The following SLC25A40 variants were observed in gnomAD, a reference collection of about 807,000 sequenced individuals.
SLC25A40 encodes the protein mitochondrial glutathione transporter SLC25A40.
Under a neutral mutation model 46.5 loss-of-function variants are expected in SLC25A40, and 41 were observed. The observed-to-expected ratio is 0.88, with a 90% CI of 0.69 to 1.14. The LOEUF (loss-of-function observed/expected upper bound fraction) is 1.14. Among genes scored for constraint, SLC25A40 ranks in the 50% most tolerant of loss-of-function variants. The pLI, the probability that SLC25A40 is intolerant of heterozygous loss-of-function variation, is 0.00. For missense variants in SLC25A40, 386 were observed against 393.6 expected, an observed-to-expected ratio of 0.98 and a Z score of 0.16; for synonymous variants, 126 against 127.5, an observed-to-expected ratio of 0.99 and a Z score of 0.08.
At chr7:87,844,220 A>G (rs1047523209) in intron 8 of SLC25A40, among the ~76,000 whole-genome samples, 3 of 152,186 alleles carry the variant, frequency 2.0e-5, no homozygotes, top group Non-Finnish European at 4.4e-5. Flanking sequence ...AATATTTCAT[A>G]AAACATCATG....
chr7:87,854,607 T>C (rs1481379143), intron 4 of SLC25A40, among the ~76,000 whole-genome samples: 1 of 151,370 alleles, frequency 6.6e-6, no homozygotes, highest in Admixed American at 6.6e-5. Context: ...GGTCAGGAGA[T>C]CGAGACCATC....
chr7:87,871,327 C>T (rs530144873), intron 1 of SLC25A40, among the ~76,000 whole-genome samples: 1 of 152,268 alleles, frequency 6.6e-6, no homozygotes, highest in Middle Eastern at 3.4e-3. Flanking sequence ...CCCTTCAGAC[C>T]AACAAGCCAA....
rs770020466 is a variant in SLC25A40, at chr7:87,849,911, T to G, written c.302A>C (p.Lys101Thr). ...AGGAGGAAGGCCACTCCATAGAGAT[T>G]TAATGCCCTCATTTCGAATGATTTT... ...FFKIIRNEGI[K>T]SLWSGLPPTL... The change falls in exon 6 of 12, where the codon AAA (lysine) becomes ACA (threonine). Residue 101 changes from lysine (K) to threonine (T), a missense_variant. Coordinates refer to ENST00000341119, the MANE Select transcript of SLC25A40 (RefSeq NM_018843.4). 1 of 1,601,978 alleles carries G rather than the reference T, an allele frequency of 6.2e-7. No homozygotes were observed. The highest frequency in any genetic ancestry group is 1.7e-5 in the Admixed American group (1 of 57,926).
chr7:87,856,168 T>A, intron 4 of SLC25A40, 124 bp downstream of exon 4: 2 of 838,040 alleles, frequency 2.4e-6, no homozygotes, highest in East Asian at 5.0e-5. Flanking sequence ...AAAAAAAAAG[T>A]TTTTCATGAG....
At chr7:87,865,677 C>A (rs867830263) in intron 1 of SLC25A40, among the ~76,000 whole-genome samples, 1 of 151,974 alleles carries the variant, frequency 6.6e-6, no homozygotes, top group African/African-American at 2.4e-5. Flanking sequence ...GAGGCTGAGG[C>A]AGGAGAATTG....
At chr7:87,861,173 A>C (rs1838692572) in intron 1 of SLC25A40, among the ~76,000 whole-genome samples, 1 of 152,166 alleles carries the variant, frequency 6.6e-6, no homozygotes, top group Non-Finnish European at 1.5e-5. Flanking sequence ...AGCCTACAAG[A>C]CTATTGTCTT....
rs780419141 is a variant in SLC25A40, at chr7:87,843,833, T to C, written c.662A>G (p.Lys221Arg). 1.2e-6 allele frequency: 2 copies of C among 1,609,288 alleles called. No homozygotes were observed. The highest frequency in any genetic ancestry group is 8.5e-7 in the Non-Finnish European group (1 of 1,176,706). ...ACCAGATTTCTCACATAACCACTTC[T>C]TTAAAATTTCATAGTTATACCAGTA... is the stretch of plus-strand genomic sequence containing the variant. The part of the protein sequence containing the change: ...AMYWYNYEIL[K>R]KWLCEKSGLY... Residue 221 changes from lysine (K) to arginine (R), a missense_variant, in exon 9 of 12, where the codon AAG becomes AGG. Physicochemically the swap from Lys to Arg is conservative, Grantham distance 26 (BLOSUM62 2). Transcript: ENST00000341119.
At chr7:87,837,338 T>C (rs1838271968) in intron 10 of SLC25A40, among the ~76,000 whole-genome samples, 1 of 151,096 alleles carries the variant, frequency 6.6e-6, no homozygotes, top group East Asian at 1.9e-4. Flanking sequence ...TCACATTTTA[T>C]TGTAAATAGT....
At position 87,876,202 on chromosome 7, in the gene SLC25A40, G is replaced by C. The variant is rs1305965988; in HGVS notation, c.-200C>G. On this transcript the variant is annotated 5_prime_UTR_variant, in exon 1 of 12. Transcript: ENST00000341119. ...GCTCCGGCGCTAACTGCATCCACTA[G>C]GTTTGGTCAACACAGAGCCGCGCCA... 1 of 153,222 alleles carries C rather than the reference G, an allele frequency of 6.5e-6. No homozygotes were observed. Among genetic ancestry groups the C allele is most frequent in the African/African-American group, 2.4e-5 (1 of 41,514 alleles). The allele number at this position is 153,222 out of a possible 1,614,324, so 9.5% of individuals were successfully genotyped here.
chr7:87,836,390 AAAT>A, intron 11 of SLC25A40, 29 bp from the exon 12 acceptor site: 1 of 1,358,800 alleles, frequency 7.4e-7, no homozygotes, highest in Non-Finnish European at 9.9e-7. Context: ...TAATCAAAAC[AAAT>A]ATTTTTTTCT....
intron 10 of SLC25A40, chr7:87,837,191 T>A (rs1402547295): frequency 1.3e-5 from 2 of 151,078 alleles, no homozygotes; most frequent in African/African-American, 4.9e-5. Flanking sequence ...GGTGGGAAGA[T>A]CGATCTCTTG....
chr7:87,873,074 G>T (rs1278242402), intron 1 of SLC25A40, among the ~76,000 whole-genome samples: 1 of 152,096 alleles, frequency 6.6e-6, no homozygotes, highest in African/African-American at 2.4e-5. Flanking sequence ...AATAAAAATA[G>T]ATCAGAACAC....
chr7:87,846,597 A>G (rs939592639), intron 8 of SLC25A40, among the ~76,000 whole-genome samples: 2 of 152,188 alleles, frequency 1.3e-5, no homozygotes, highest in African/African-American at 4.8e-5. Context: ...TCTTAAATGG[A>G]TTCTATCCTT....
intron 10 of SLC25A40, among the ~76,000 whole-genome samples, chr7:87,838,209 C>A (rs1838283638): frequency 6.6e-6 from 1 of 151,400 alleles, no homozygotes; most frequent in Non-Finnish European, 1.5e-5. Context: ...AAGTCAATGA[C>A]AAGAACTAAG....
chr7:87,876,015 C>G (rs1027967133), intron 1 of SLC25A40, 81 bp downstream of exon 1: 1 of 152,248 alleles, frequency 6.6e-6, no homozygotes, highest in African/African-American at 2.4e-5. Context: ...GCCCCGGGCC[C>G]GGCCAGAGCT....
chr7:87,848,912 T>C (rs1838463542), intron 6 of SLC25A40, among the ~76,000 whole-genome samples: 1 of 152,218 alleles, frequency 6.6e-6, no homozygotes, highest in Non-Finnish European at 1.5e-5. Context: ...CTTTAAACCT[T>C]AAACATTGTT....
At chr7:87,857,474 T>A (rs1005642465) in intron 3 of SLC25A40, among the ~76,000 whole-genome samples, 5 of 152,204 alleles carry the variant, frequency 3.3e-5, no homozygotes, top group Non-Finnish European at 7.3e-5. Context: ...TGTTTTCATA[T>A]AATAATATGA....
At chr7:87,856,511 T>A in intron 3 of SLC25A40, 160 bp from the exon 4 acceptor site, 1 of 701,818 alleles carries the variant, frequency 1.4e-6, no homozygotes, top group African/African-American at 1.8e-5. Context: ...CATTCTAATT[T>A]TTTTGCCCTT....
intron 2 of SLC25A40, among the ~76,000 whole-genome samples, 179 bp from the exon 3 acceptor site, chr7:87,858,930 C>A (rs1838655009): frequency 6.6e-6 from 1 of 152,050 alleles, no homozygotes; most frequent in African/African-American, 2.4e-5. Context: ...GTGAACTCAG[C>A]CTCATACACA....
Sources: gnomAD v4.1 joint callset for allele counts (sites outside exome capture counted in the v4.1 genomes callset) on GRCh38, gnomAD v4.1.1 for gene constraint, MANE v1.5 for transcripts, NCBI Gene and HGNC (gene_info 2026-07-23, HGNC 2026-07-21) for gene names.